GRID2: variants seen among roughly 807,000 people sequenced by gnomAD.
GRID2 encodes the protein glutamate ionotropic receptor delta type subunit 2, also known as glutamate receptor ionotropic, delta-2.
GRID2 carries 33 observed loss-of-function variants against 114.8 expected under a neutral mutation model. The ratio of observed to expected loss-of-function variants is 0.29; its 90% confidence interval spans 0.22 to 0.38. The LOEUF is 0.38. Ranked by LOEUF, GRID2 falls within the 10% of genes least tolerant of loss-of-function variation. GRID2 has a pLI of 1.00. For missense variants in GRID2, 1,184 were observed against 1,257.7 expected, an observed-to-expected ratio of 0.94 and a Z score of 0.89; for synonymous variants, 505 against 449.9, an observed-to-expected ratio of 1.12 and a Z score of -1.55.
At chr4:92,961,956 G>GC (rs1752848475) in intron 2 of GRID2, among the ~76,000 whole-genome samples, 1 of 151,592 alleles carries the variant, frequency 6.6e-6, no homozygotes, top group South Asian at 2.1e-4. Flanking sequence ...CTACTAATAT[G>GC]CCCAAGAAAG....
chr4:92,756,670 A>G (rs1172608182), intron 2 of GRID2, among the ~76,000 whole-genome samples: 1 of 151,894 alleles, frequency 6.6e-6, no homozygotes, highest in Non-Finnish European at 1.5e-5. Context: ...GGTTTTGATG[A>G]GATTTTATTT....
intron 2 of GRID2, among the ~76,000 whole-genome samples, chr4:92,640,840 T>G (rs1340528816): frequency 6.6e-6 from 1 of 151,916 alleles, no homozygotes; most frequent in Non-Finnish European, 1.5e-5. Context: ...AAACAAAAAG[T>G]ATATTCTTCC....
intron 2 of GRID2, among the ~76,000 whole-genome samples, chr4:92,610,831 C>A (rs1729686356): frequency 6.6e-6 from 1 of 151,660 alleles, no homozygotes; most frequent in Non-Finnish European, 1.5e-5. Context: ...TCTTTTGTGT[C>A]TGGCATCTTA....
At chr4:92,855,654 TAA>T (rs781028763) in intron 2 of GRID2, among the ~76,000 whole-genome samples, 9 of 152,100 alleles carry the variant, frequency 5.9e-5, no homozygotes, top group East Asian at 5.8e-4. Flanking sequence ...AGGAAAGTGA[TAA>T]GTTAATATAA....
intron 8 of GRID2, among the ~76,000 whole-genome samples, chr4:93,378,831 G>C (rs923131821): frequency 6.6e-6 from 1 of 151,998 alleles, no homozygotes. Context: ...GTTACAGTTT[G>C]TTTTTGCTGG....
At chr4:93,424,334 C>T (rs980581799) in intron 10 of GRID2, among the ~76,000 whole-genome samples, 6 of 152,028 alleles carry the variant, frequency 3.9e-5, no homozygotes, top group Admixed American at 3.9e-4. Flanking sequence ...ACCTGAAGAA[C>T]TTTCTTTAGA....
chr4:92,503,108 C>T (rs1723772689), intron 1 of GRID2, among the ~76,000 whole-genome samples: 2 of 152,000 alleles, frequency 1.3e-5, no homozygotes, highest in African/African-American at 2.4e-5. Flanking sequence ...TATGTAAACG[C>T]TTTCTTTCTA....
chr4:93,140,691 G>A (rs1735693485), intron 4 of GRID2, among the ~76,000 whole-genome samples: 1 of 152,158 alleles, frequency 6.6e-6, no homozygotes, highest in Admixed American at 6.5e-5. Context: ...TTAACTTAGT[G>A]TTATAAAATA....
At chr4:93,121,154 A>AT (rs770066294) in intron 4 of GRID2, among the ~76,000 whole-genome samples, 98 of 152,128 alleles carry the variant, frequency 6.4e-4, no homozygotes, top group Non-Finnish European at 1.1e-3. Context: ...TAAATGACAC[A>AT]TTTTTTTCTA....
intron 13 of GRID2, among the ~76,000 whole-genome samples, chr4:93,596,450 C>T (rs1190737777): frequency 6.6e-6 from 1 of 151,966 alleles, no homozygotes; most frequent in East Asian, 1.9e-4. Context: ...TGGTGGCAGG[C>T]GCCTGTAGTC....
At chr4:93,388,988 T>G (rs1030027307) in intron 8 of GRID2, among the ~76,000 whole-genome samples, 5 of 152,188 alleles carry the variant, frequency 3.3e-5, no homozygotes, top group African/African-American at 4.8e-5. Flanking sequence ...ATAAGGAGAT[T>G]GCTGAGCTTG....
chr4:93,565,947 T>G (rs746792380), intron 13 of GRID2, among the ~76,000 whole-genome samples: 8 of 152,174 alleles, frequency 5.3e-5, no homozygotes, highest in Non-Finnish European at 1.0e-4. Context: ...AAAACTTTGG[T>G]GGCTTAACCC....
chr4:93,339,151 C>G (rs1759383208), intron 8 of GRID2, among the ~76,000 whole-genome samples: 1 of 152,160 alleles, frequency 6.6e-6, no homozygotes, highest in Admixed American at 6.5e-5. Context: ...ACCACTAATG[C>G]CAACCTGATT....
intron 2 of GRID2, among the ~76,000 whole-genome samples, chr4:92,991,798 A>C (rs1289718656): frequency 6.6e-6 from 1 of 152,218 alleles, no homozygotes; most frequent in Non-Finnish European, 1.5e-5. Context: ...GCCTGAGTAC[A>C]AATACACAAA....
At chr4:93,136,477 G>C (rs1455818805) in intron 4 of GRID2, among the ~76,000 whole-genome samples, 2 of 152,072 alleles carry the variant, frequency 1.3e-5, no homozygotes, top group Non-Finnish European at 2.9e-5. Flanking sequence ...AGATCAATGA[G>C]ATGAAAATGT....
intron 2 of GRID2, among the ~76,000 whole-genome samples, chr4:92,759,706 G>A (rs1337722205): frequency 1.3e-5 from 2 of 151,874 alleles, no homozygotes; most frequent in African/African-American, 4.8e-5. Flanking sequence ...CCAGGTACAA[G>A]GATTCTCCTG....
chr4:92,325,631 A>G (rs2110134130), intron 1 of GRID2, among the ~76,000 whole-genome samples: 1 of 151,916 alleles, frequency 6.6e-6, no homozygotes, highest in African/African-American at 2.4e-5. Flanking sequence ...GTTTAACATG[A>G]CAGAAAACAC....
intron 8 of GRID2, among the ~76,000 whole-genome samples, chr4:93,270,723 G>A (rs1751371732): frequency 1.3e-5 from 2 of 152,098 alleles, no homozygotes; most frequent in Admixed American, 6.6e-5. Flanking sequence ...CTGTCTCCCA[G>A]ATTCAAGTGA....
chr4:93,612,370 A>G (rs1741037003), intron 13 of GRID2, among the ~76,000 whole-genome samples: 1 of 148,588 alleles, frequency 6.7e-6, no homozygotes, highest in South Asian at 2.2e-4. Context: ...TTAGCTGGTT[A>G]TTTTGCTTGT....
Sources: allele counts gnomAD v4.1 joint callset (sites outside exome capture counted in the v4.1 genomes callset), GRCh38; gene constraint gnomAD v4.1.1; transcripts MANE v1.5; gene names NCBI Gene and HGNC (gene_info 2026-07-23, HGNC 2026-07-21).